GET1: variants seen among roughly 807,000 people sequenced by gnomAD.
GET1 encodes the protein congenital heart disease 5 protein.
A neutral mutation model predicts 22.6 loss-of-function variants in GET1; 20 were observed. That is an observed-to-expected ratio of 0.89 (90% CI 0.62 to 1.29). The LOEUF is 1.29. Among genes scored for constraint, GET1 ranks in the 50% most tolerant of loss-of-function variants. GET1 has a pLI of 0.00. For synonymous variants in GET1, 92 were observed against 83.8 expected, an observed-to-expected ratio of 1.10 and a Z score of -0.53; for missense variants, 209 against 219.9, an observed-to-expected ratio of 0.95 and a Z score of 0.31.
At chr21:39,405,874 G>C (rs2039011959) in intron 4 of GET1, 1 of 1,543,284 alleles carries the variant, frequency 6.5e-7, no homozygotes, top group African/African-American at 1.4e-5. Flanking sequence ...TTAGGATATT[G>C]ATTATATTTA....
intron 3 of GET1, among the ~76,000 whole-genome samples, chr21:39,392,437 C>G (rs1009826620): frequency 3.9e-5 from 6 of 152,124 alleles, no homozygotes; most frequent in African/African-American, 1.4e-4. Flanking sequence ...AGGATTCAAG[C>G]CCACCCCCAA....
chr21:39,387,810 T>C, intron 1 of GET1: 4 of 984,810 alleles, frequency 4.1e-6, no homozygotes, highest in Non-Finnish European at 4.8e-6. Flanking sequence ...GCTTCCAAGC[T>C]CTAAATGGAG....
chr21:39,387,683 C>CAAAA, intron 1 of GET1: 1 of 241,668 alleles, frequency 4.1e-6, no homozygotes, highest in Non-Finnish European at 6.5e-6. Context: ...CCCCCCTACT[C>CAAAA]CCCACACTCC....
Position 39,391,810 on chromosome 21 carries a change from A to G in GET1, c.310A>G (p.Ile104Val), listed in dbSNP as rs772529939. ...TCAATTAGCCAAGATAAAATGGGTGATAAGTGTCGCTTTCTACGTATTGCA... is the reference window on the plus strand; with the variant it reads ...TCAATTAGCCAAGATAAAATGGGTGGTAAGTGTCGCTTTCTACGTATTGCA... ...TAQLAKIKWV[I>V]SVAFYVLQAA... The change falls in exon 3 of 5, where the codon ATA becomes GTA. Residue 104 changes from isoleucine (I) to valine (V), a missense_variant. By Grantham distance (29) the Ile-to-Val change is conservative. Transcript: ENST00000649170. The G allele has an allele frequency of 1.2e-6, 2 of 1,614,044 alleles. No individual in the cohort carries two copies. Among genetic ancestry groups the G allele is most frequent in the Admixed American group, 1.7e-5 (1 of 60,004 alleles).
chr21:39,391,272 C>T (rs2038277863), intron 2 of GET1: 1 of 220,352 alleles, frequency 4.5e-6, no homozygotes, highest in Non-Finnish European at 9.1e-6. Flanking sequence ...CTCCCGGGTC[C>T]AGTGTCCTGT....
Position 39,393,149 on chromosome 21 carries a change from C to T in GET1, c.337-17C>T. The T allele has an allele frequency of 6.2e-7, 1 of 1,608,084 alleles. No homozygotes were observed. Among genetic ancestry groups the T allele is most frequent in the Non-Finnish European group, 8.5e-7 (1 of 1,174,594 alleles). On this transcript the variant is annotated splice_polypyrimidine_tract_variant and intron_variant, in intron 3 of 4. Coordinates refer to ENST00000649170, the MANE Select transcript of GET1 (RefSeq NM_004627.6). The stretch of plus-strand genomic sequence containing the variant: ...GTGATTGGCAGGCTGCTTTGCTCAC[C>T]AGAGGTGTCTTTACAGGCTGCCCTG...
Position 39,417,557 on chromosome 21 carries a change from G to A in GET1, c.*23+6620G>A, listed in dbSNP as rs1276155288. On this transcript the variant is annotated intron_variant, in intron 1 of 1. Transcript: ENST00000478273. ...CTTTATCTTAAATAGGATTGTATTA[G>A]TCCTTTTTCAGGCTGCTGATAAAGA... Among the ~76,000 whole-genome samples the A allele has an allele frequency of 1.3e-5, 2 of 151,924 alleles. 1 individual carries two copies.
chr21:39,419,279 C>T (rs2041854892), intron 1 of GET1, among the ~76,000 whole-genome samples: 1 of 152,042 alleles, frequency 6.6e-6, no homozygotes, highest in African/African-American at 2.4e-5. Context: ...AATCCTAACA[C>T]TTTGGAAGGC....
chr21:39,423,532 C>G, intron 1 of GET1: 2 of 1,486,958 alleles, frequency 1.3e-6, no homozygotes, highest in Non-Finnish European at 1.8e-6. Context: ...GTAAAATATA[C>G]AGATATGCAA....
intron 4 of GET1, among the ~76,000 whole-genome samples, chr21:39,396,129 C>T (rs553333765): frequency 6.6e-6 from 1 of 152,276 alleles, no homozygotes; most frequent in Admixed American, 6.5e-5. Flanking sequence ...GGAATGGTGG[C>T]TCACACCTGT....
intron 1 of GET1, among the ~76,000 whole-genome samples, chr21:39,419,153 AC>A (rs1320462558): frequency 6.6e-6 from 1 of 151,026 alleles, no homozygotes; most frequent in African/African-American, 2.4e-5. Context: ...CCAACTCCTC[AC>A]CCCCCACTAT....
Position 39,393,295 on chromosome 21 carries a change from G to T in GET1, c.451+15G>T, listed in dbSNP as rs1471411682. On this transcript the variant is annotated intron_variant, in intron 4 of 4. Coordinates refer to ENST00000649170, the MANE Select transcript of GET1 (RefSeq NM_004627.6). ...TAGAGTAGCAGGTAAGAATTTTCTG[G>T]AAGATGCAGTGGAAGAGTGTGAATA... 2 of 1,599,062 alleles carry T rather than the reference G, an allele frequency of 1.3e-6. No homozygotes were observed. The highest frequency in any genetic ancestry group is 2.2e-5 in the South Asian group (2 of 90,726).
chr21:39,410,720 A>G (rs761798702), downstream of GET1: 7 of 399,908 alleles, frequency 1.8e-5, no homozygotes, highest in Non-Finnish European at 1.5e-5. Flanking sequence ...CTTGATTATC[A>G]GTGGTTAGAC....
chr21:39,386,685 C>T (rs751705372), intron 1 of GET1, among the ~76,000 whole-genome samples: 22 of 152,168 alleles, frequency 1.4e-4, no homozygotes, highest in Non-Finnish European at 4.4e-5. Context: ...GTTGTCATGC[C>T]ATCAATTAAT....
At chr21:39,394,466 A>G (rs1186778640) in intron 4 of GET1, among the ~76,000 whole-genome samples, 4 of 152,152 alleles carry the variant, frequency 2.6e-5, no homozygotes, top group Admixed American at 1.3e-4. Context: ...TTTTTACTTT[A>G]TAGGGTAAGC....
rs1030116792 is a variant in GET1, at chr21:39,394,192, T to C, written c.451+912T>C. On this transcript the variant is annotated intron_variant, in intron 4 of 4. Coordinates refer to ENST00000649170, the MANE Select transcript of GET1 (RefSeq NM_004627.6). ...TAAAATACAAAAAATTAGCTGGGCA[T>C]GGTGGTGCGTGCCTGTAATTCCAGC... Among the ~76,000 whole-genome samples, 5 of 152,110 alleles carry C rather than the reference T, an allele frequency of 3.3e-5. No homozygotes were observed. The South Asian group carries it at 1.0e-3, about 32-fold the overall frequency.
downstream of GET1, among the ~76,000 whole-genome samples, chr21:39,399,284 G>T (rs2038779890): frequency 1.3e-5 from 2 of 151,154 alleles, no homozygotes; most frequent in Admixed American, 1.3e-4. Flanking sequence ...CCTATTTACT[G>T]TTTTTTTTTA....
chr21:39,384,985 C>T (rs992420928), intron 1 of GET1, among the ~76,000 whole-genome samples: 1 of 152,116 alleles, frequency 6.6e-6, no homozygotes, highest in Non-Finnish European at 1.5e-5. Flanking sequence ...TTGGCCTGGT[C>T]ACTGGGTTTG....
At chr21:39,421,592 T>C (rs920501963) in intron 1 of GET1, 1 of 152,206 alleles carries the variant, frequency 6.6e-6, no homozygotes, top group Non-Finnish European at 1.5e-5. Context: ...AGAACTATTT[T>C]ATTGGAGAAC....
Sources: gnomAD v4.1 joint callset for allele counts (sites outside exome capture counted in the v4.1 genomes callset) on GRCh38, gnomAD v4.1.1 for gene constraint, MANE v1.5 for transcripts, NCBI Gene and HGNC (gene_info 2026-07-23, HGNC 2026-07-21) for gene names.